ADAMTSL1: variants seen among roughly 807,000 people sequenced by gnomAD.
ADAMTSL1 encodes the protein ADAMTS-like protein 1.
Under a neutral mutation model 201.8 loss-of-function variants are expected in ADAMTSL1, and 126 were observed. The observed-to-expected ratio is 0.62, with a 90% CI of 0.54 to 0.72. The LOEUF (loss-of-function observed/expected upper bound fraction) is 0.72, where lower values mean the gene tolerates loss of function less well. Ranked by LOEUF, ADAMTSL1 falls within the 30% of genes least tolerant of loss-of-function variation. ADAMTSL1 has a pLI of 0.00. For missense variants in ADAMTSL1, 2,679 were observed against 2,277.8 expected (o/e 1.18, Z -3.59); for synonymous variants, 1,121 against 903.4 (o/e 1.24, Z -4.32).
rs147021721 is a variant in ADAMTSL1 at position 18,098,656 on chromosome 9, A to G, written c.88-65206A>G. Among the ~76,000 whole-genome samples, 469 of 152,342 alleles carry G rather than the reference A, an allele frequency of 3.1e-3. 1 individual carries two copies. The highest frequency in any genetic ancestry group is 0.011 in the African/African-American group (446 of 41,586). On this transcript the variant is annotated intron_variant, in intron 1 of 29. Coordinates refer to the ADAMTSL1 transcript ENST00000680146. ...GTTATCTGCAAACCATGACATGCTA[A>G]CAACTTCATTTCCTATCTATAAGCC...
chr9:18,266,484 C>T lies in ADAMTSL1; in HGVS notation c.207+102503C>T, dbSNP rs372050618. Among the ~76,000 whole-genome samples, 18 of 152,272 alleles carry T rather than the reference C, an allele frequency of 1.2e-4. No homozygotes were observed. The East Asian group carries it at 1.9e-3, about 16-fold the overall frequency. On this transcript the variant is annotated intron_variant, in intron 2 of 29. Coordinates refer to the ADAMTSL1 transcript ENST00000680146. The stretch of plus-strand genomic sequence containing the variant: ...TATCTATTCATAATCAAAAATGATA[C>T]TTCATGAGCTTCTGGTGTCTTAGGA...
At chr9:18,228,961 G>A (rs1381750521) in intron 2 of ADAMTSL1, among the ~76,000 whole-genome samples, 1 of 150,626 alleles carries the variant, frequency 6.6e-6, no homozygotes, top group Non-Finnish European at 1.5e-5. Flanking sequence ...CTCTCTCGCT[G>A]TTTCCTTTGC....
At chr9:18,312,795 A>G (rs567604155) in intron 2 of ADAMTSL1, among the ~76,000 whole-genome samples, 5 of 152,182 alleles carry the variant, frequency 3.3e-5, no homozygotes, top group African/African-American at 9.6e-5. Context: ...AAGATGATTG[A>G]TTGTTTTTAA....
chr9:17,913,729 A>G (rs1825978589), intron 1 of ADAMTSL1, among the ~76,000 whole-genome samples: 1 of 152,222 alleles, frequency 6.6e-6, no homozygotes, highest in Non-Finnish European at 1.5e-5. Context: ...TGATGAATCC[A>G]GGAGCTGGTT....
At chr9:18,872,021 C>A (rs938451015) in intron 23 of ADAMTSL1, among the ~76,000 whole-genome samples, 10 of 152,168 alleles carry the variant, frequency 6.6e-5, no homozygotes, top group Middle Eastern at 3.2e-3. Context: ...AAGTTCCAAC[C>A]AAGTCAGTAG....
intron 1 of ADAMTSL1, among the ~76,000 whole-genome samples, chr9:17,955,096 A>G (rs935819317): frequency 2.0e-5 from 3 of 152,214 alleles, no homozygotes; most frequent in Non-Finnish European, 2.9e-5. Flanking sequence ...CCGTGTGTGT[A>G]TACGATATAT....
chr9:18,499,495 C>G (rs139822885), intron 1 of ADAMTSL1, among the ~76,000 whole-genome samples: 12 of 152,284 alleles, frequency 7.9e-5, no homozygotes, highest in East Asian at 1.9e-4. Context: ...GATTTGTTTC[C>G]AAAGCTTCAG....
chr9:18,644,703 C>T (rs368791890), intron 7 of ADAMTSL1, among the ~76,000 whole-genome samples: 18,417 of 151,702 alleles, frequency 0.12, 1,304 homozygotes, highest in Non-Finnish European at 0.16. Flanking sequence ...CATGTCCCTA[C>T]AAAGGACATG....
chr9:18,695,414 T>C (rs1267236795), intron 13 of ADAMTSL1, among the ~76,000 whole-genome samples: 1 of 152,248 alleles, frequency 6.6e-6, no homozygotes, highest in Non-Finnish European at 1.5e-5. Flanking sequence ...GCAAATTTTC[T>C]AAACTTTTAT....
intron 3 of ADAMTSL1, among the ~76,000 whole-genome samples, chr9:18,557,428 A>G (rs893286413): frequency 6.6e-6 from 1 of 152,030 alleles, no homozygotes; most frequent in Non-Finnish European, 1.5e-5. Flanking sequence ...TAAGGGCCTG[A>G]CCTTGACTTT....
At chr9:18,548,255 C>T (rs1490178865) in intron 3 of ADAMTSL1, among the ~76,000 whole-genome samples, 1 of 152,076 alleles carries the variant, frequency 6.6e-6, no homozygotes, top group African/African-American at 2.4e-5. Flanking sequence ...ACAAGGGACA[C>T]TCTGCCTTCC....
At chr9:18,026,853 T>C (rs1357814626) in intron 1 of ADAMTSL1, among the ~76,000 whole-genome samples, 3 of 151,998 alleles carry the variant, frequency 2.0e-5, no homozygotes, top group Non-Finnish European at 4.4e-5. Flanking sequence ...TTTTGGTTAG[T>C]AGGATTTTTA....
At chr9:18,851,978 T>C (rs920925981) in intron 23 of ADAMTSL1, among the ~76,000 whole-genome samples, 2 of 152,186 alleles carry the variant, frequency 1.3e-5, no homozygotes, top group Non-Finnish European at 2.9e-5. Context: ...CAACCAATTA[T>C]CATTTTAGAG....
intron 5 of ADAMTSL1, among the ~76,000 whole-genome samples, chr9:18,623,567 C>T (rs116954165): frequency 2.6e-5 from 4 of 152,234 alleles, no homozygotes; most frequent in Non-Finnish European, 5.9e-5. Flanking sequence ...CAGATGTCTA[C>T]CCAGTCAGGT....
intron 1 of ADAMTSL1, among the ~76,000 whole-genome samples, chr9:18,475,015 A>T (rs185894323): frequency 7.9e-4 from 121 of 152,280 alleles, no homozygotes; most frequent in East Asian, 1.9e-4. Flanking sequence ...TTCCGTTGTG[A>T]CTCATACTTG....
At chr9:18,566,139 C>T (rs938178597) in intron 3 of ADAMTSL1, among the ~76,000 whole-genome samples, 2 of 151,998 alleles carry the variant, frequency 1.3e-5, no homozygotes, top group Non-Finnish European at 2.9e-5. Flanking sequence ...AATTTATTCT[C>T]GTAAATTTTT....
intron 1 of ADAMTSL1, among the ~76,000 whole-genome samples, chr9:17,990,027 G>C (rs571103362): frequency 1.1e-4 from 17 of 151,352 alleles, no homozygotes; most frequent in Middle Eastern, 3.4e-3. Context: ...AACAAACATT[G>C]AAGACATAGA....
chr9:18,674,096 G>A (rs976031907), intron 9 of ADAMTSL1, among the ~76,000 whole-genome samples: 2 of 151,848 alleles, frequency 1.3e-5, no homozygotes, highest in African/African-American at 2.4e-5. Flanking sequence ...GTTAAAGGCT[G>A]TTCATTTCAT....
chr9:18,306,739 G>C (rs573743424), intron 2 of ADAMTSL1, among the ~76,000 whole-genome samples: 1 of 152,254 alleles, frequency 6.6e-6, no homozygotes, highest in African/African-American at 2.4e-5. Context: ...GAAAGTGATG[G>C]GGAGAATGGA....
Sources: gnomAD v4.1 joint callset for allele counts (sites outside exome capture counted in the v4.1 genomes callset) on GRCh38, gnomAD v4.1.1 for gene constraint, MANE v1.5 for transcripts, NCBI Gene and HGNC (gene_info 2026-07-23, HGNC 2026-07-21) for gene names.